EEA1: variants seen among roughly 807,000 people sequenced by gnomAD.
EEA1 encodes the protein early endosome antigen 1, also known as early endosome antigen 1, 162kD.
EEA1 carries 111 observed loss-of-function variants against 209.2 expected under a neutral mutation model. That is an observed-to-expected ratio of 0.53 (90% CI 0.45 to 0.62). The LOEUF is 0.62. EEA1 is among the 20% of genes least tolerant of loss of function. The probability of loss-of-function intolerance (pLI) is 0.00; values close to 1 mark genes in which losing one functional copy is unlikely to be tolerated. For missense variants in EEA1, 1,343 were observed against 1,530.8 expected (o/e 0.88, Z 2.05); for synonymous variants, 536 against 540.6 (o/e 0.99, Z 0.12).
At chr12:92,913,702 C>T (rs1027361246) in intron 1 of EEA1, among the ~76,000 whole-genome samples, 1 of 152,100 alleles carries the variant, frequency 6.6e-6, no homozygotes, top group African/African-American at 2.4e-5. Flanking sequence ...GCTCTGTCAC[C>T]CGGGCTGGAG....
At chr12:92,880,403 C>A (rs918470382) in intron 2 of EEA1, among the ~76,000 whole-genome samples, 2 of 152,230 alleles carry the variant, frequency 1.3e-5, no homozygotes, top group Admixed American at 1.3e-4. Context: ...CTCACAGGAG[C>A]AAGCGATTCT....
At chr12:92,786,540 A>G (rs375297338) in intron 22 of EEA1, among the ~76,000 whole-genome samples, 1 of 152,168 alleles carries the variant, frequency 6.6e-6, no homozygotes, top group African/African-American at 2.4e-5. Context: ...AAATCCTTGC[A>G]GCCAGGTATG....
chr12:92,858,781 G>A, intron 3 of EEA1: 2 of 780,560 alleles, frequency 2.6e-6, no homozygotes, highest in South Asian at 1.3e-5. Flanking sequence ...CATTGTGCCT[G>A]CAAAATACCT....
chr12:92,802,431 C>G lies in EEA1; in HGVS notation c.2643G>C (p.Gln881His), dbSNP rs375467689. 1.9e-6 allele frequency: 3 copies of G among 1,577,924 alleles called. No individual in the cohort carries two copies. Among genetic ancestry groups the G allele is most frequent in the African/African-American group, 2.8e-5 (2 of 72,390 alleles). Residue 881 changes from glutamine (Q) to histidine (H), a missense_variant, in exon 19 of 29, where the codon CAG becomes CAC. By Grantham distance (24) the Gln-to-His change is conservative (BLOSUM62 0). Transcript: ENST00000322349. The part of the protein sequence containing the change: ...NSKSEFEKEN[Q>H]KGKAAILDLE... ...AGTCTAATATAGCGGCTTTTCCTTT[C>G]TGATTCTCCTTTTCAAATTCACTTT... is the stretch of plus-strand genomic sequence containing the variant.
chr12:92,880,078 G>A (rs1399426378), intron 2 of EEA1, among the ~76,000 whole-genome samples: 1 of 152,238 alleles, frequency 6.6e-6, no homozygotes, highest in African/African-American at 2.4e-5. Flanking sequence ...ATGTAGCCAT[G>A]CATGGCATGT....
At chr12:92,826,664 G>A (rs573301474) in intron 12 of EEA1, among the ~76,000 whole-genome samples, 25 of 148,426 alleles carry the variant, frequency 1.7e-4, no homozygotes, top group African/African-American at 4.5e-4. Flanking sequence ...GCAGTGAGCC[G>A]AGATTGCGCC....
At chr12:92,782,907 TGGGGAACTTCTAGATA>T (rs1407799699) in intron 22 of EEA1, among the ~76,000 whole-genome samples, 1 of 152,204 alleles carries the variant, frequency 6.6e-6, no homozygotes, top group Non-Finnish European at 1.5e-5. Context: ...GAACTGGGTT[TGGGGAACTTCTAGATA>T]GCTGAACATA....
At chr12:92,878,411 C>T (rs567705937) in intron 2 of EEA1, among the ~76,000 whole-genome samples, 50 of 152,252 alleles carry the variant, frequency 3.3e-4, no homozygotes, top group Non-Finnish European at 5.1e-4. Context: ...CTCTGAAATC[C>T]TGAGCTTCAA....
rs1875348573 is a variant in EEA1, at chr12:92,809,017, A to T, written c.2339T>A (p.Ile780Lys). The T allele has an allele frequency of 6.3e-7, 1 of 1,587,582 alleles. No individual in the cohort carries two copies. The highest frequency in any genetic ancestry group is 1.4e-5 in the African/African-American group (1 of 73,546). The change falls in exon 18 of 29, where the codon ATA (isoleucine) becomes AAA (lysine). Residue 780 changes from isoleucine (I) to lysine (K), a missense_variant and splice_region_variant. Physicochemically the swap from Ile to Lys is moderately radical, Grantham distance 102 (BLOSUM62 -3). Transcript: ENST00000322349. Reference sequence around the variant, plus strand: ...TTGTAAGTAAAGTGGTTTAGCTTACATTTCCTTCTCCATTTCAAGTTGTTT... The same window carrying T: ...TTGTAAGTAAAGTGGTTTAGCTTACTTTTCCTTCTCCATTTCAAGTTGTTT... The part of the protein sequence containing the change: ...LSKQLEMEKE[I>K]VSSTRLDLQK...
At chr12:92,875,572 T>C (rs1373288977) in intron 2 of EEA1, among the ~76,000 whole-genome samples, 5 of 152,114 alleles carry the variant, frequency 3.3e-5, no homozygotes, top group African/African-American at 1.2e-4. Flanking sequence ...ACACAGATCA[T>C]TACAACAGCC....
At position 92,832,616 on chromosome 12, in the gene EEA1, C is replaced by T. The variant is rs1290953158; in HGVS notation, c.1150G>A (p.Val384Ile). 2.5e-6 allele frequency: 4 copies of T among 1,614,036 alleles called. No homozygotes were observed. Among genetic ancestry groups the T allele is most frequent in the East Asian group, 2.2e-5 (1 of 44,838 alleles). ...TTTAGATGCTGGTACTTGGTCTCTA[C>T]CTCAGATAATTCTTCTTTGAGCTTT... ...TQKLKEELSE[V>I]ETKYQHLKAE... The change falls in exon 11 of 29, where the codon GTA becomes ATA. Residue 384 changes from valine (V) to isoleucine (I), a missense_variant. This residue lies in a region of EEA1 where 1,307 missense variants were observed against 1,465.5 expected (regional missense o/e 0.89). Coordinates refer to ENST00000322349, the MANE Select transcript of EEA1 (RefSeq NM_003566.4).
chr12:92,860,493 G>A (rs1878092631), intron 3 of EEA1, among the ~76,000 whole-genome samples: 1 of 152,150 alleles, frequency 6.6e-6, no homozygotes, highest in African/African-American at 2.4e-5. Flanking sequence ...TCTGGGGTAT[G>A]GCCTTAAGTA....
chr12:92,862,974 G>C (rs1281007672), intron 3 of EEA1, among the ~76,000 whole-genome samples: 1 of 152,236 alleles, frequency 6.6e-6, no homozygotes, highest in Admixed American at 6.5e-5. Flanking sequence ...CAGAACATCT[G>C]AGGGAAGATA....
At chr12:92,822,790 C>G (rs540642129) in intron 13 of EEA1, among the ~76,000 whole-genome samples, 1 of 152,152 alleles carries the variant, frequency 6.6e-6, no homozygotes, top group Non-Finnish European at 1.5e-5. Context: ...ATATATAGCA[C>G]GATTCCCTCC....
intron 2 of EEA1, among the ~76,000 whole-genome samples, chr12:92,869,356 A>T (rs1004775557): frequency 6.6e-6 from 1 of 152,180 alleles, no homozygotes; most frequent in Non-Finnish European, 1.5e-5. Context: ...GAGTTTGGTT[A>T]TCTGTAATCC....
intron 18 of EEA1, among the ~76,000 whole-genome samples, 193 bp from the exon 19 acceptor site, chr12:92,802,927 T>C (rs1241744482): frequency 6.6e-6 from 1 of 152,078 alleles, no homozygotes; most frequent in Non-Finnish European, 1.5e-5. Flanking sequence ...ATTTAACAGA[T>C]GTAGATTATT....
At chr12:92,870,483 G>A (rs1275653778) in intron 2 of EEA1, among the ~76,000 whole-genome samples, 2 of 152,074 alleles carry the variant, frequency 1.3e-5, no homozygotes, top group Non-Finnish European at 2.9e-5. Context: ...CAGATACTGG[G>A]AAATACTGAG....
chr12:92,874,910 C>T (rs1878814581), intron 2 of EEA1, among the ~76,000 whole-genome samples: 3 of 152,096 alleles, frequency 2.0e-5, no homozygotes, highest in South Asian at 4.1e-4. Context: ...CTACACTGAT[C>T]GGATTATTAT....
intron 9 of EEA1, among the ~76,000 whole-genome samples, chr12:92,848,801 T>C (rs1394127175): frequency 1.5e-5 from 2 of 136,048 alleles, no homozygotes; most frequent in Non-Finnish European, 3.1e-5. Context: ...GGTGTGATCA[T>C]GGCTCACTGC....
Sources: gnomAD v4.1 joint callset for allele counts (sites outside exome capture counted in the v4.1 genomes callset) on GRCh38, gnomAD v4.1.1 for gene constraint, gnomAD v4.1.1 regional missense constraint, MANE v1.5 for transcripts, NCBI Gene and HGNC (gene_info 2026-07-23, HGNC 2026-07-21) for gene names.